The following KCNMA1 variants were observed in gnomAD, a reference collection of about 807,000 sequenced individuals.
The protein encoded by KCNMA1 is Calcium-activated potassium channel subunit alpha-1.
A neutral mutation model predicts 140.0 loss-of-function variants in KCNMA1; 29 were observed. That is an observed-to-expected ratio of 0.21 (90% CI 0.15 to 0.28). The LOEUF (loss-of-function observed/expected upper bound fraction) is 0.28, where lower values mean the gene tolerates loss of function less well. Among genes scored for constraint, KCNMA1 ranks in the 10% least tolerant of loss-of-function variants. KCNMA1 has a pLI of 1.00. For missense variants in KCNMA1, 880 were observed against 1,602.2 expected (o/e 0.55, Z 7.70); for synonymous variants, 612 against 611.9 (o/e 1.00, Z 0.00).
At chr10:77,464,357 T>C (rs1027687158) in intron 1 of KCNMA1, among the ~76,000 whole-genome samples, 3 of 152,050 alleles carry the variant, frequency 2.0e-5, no homozygotes, top group Admixed American at 6.6e-5. Flanking sequence ...TTGGAGTCAT[T>C]AGTACACAGA....
intron 3 of KCNMA1, among the ~76,000 whole-genome samples, chr10:77,228,692 T>C (rs972781856): frequency 3.9e-5 from 6 of 152,338 alleles, no homozygotes; most frequent in African/African-American, 1.2e-4. Flanking sequence ...TGGCCTACCA[T>C]GCTCTGAGCT....
At chr10:77,321,021 G>C (rs2082198717) in intron 2 of KCNMA1, among the ~76,000 whole-genome samples, 5 of 152,192 alleles carry the variant, frequency 3.3e-5, no homozygotes, top group Admixed American at 2.6e-4. Context: ...TGTCTGACTT[G>C]TATCCTATTC....
chr10:77,193,666 C>T (rs776863784), intron 3 of KCNMA1, among the ~76,000 whole-genome samples: 2 of 152,160 alleles, frequency 1.3e-5, no homozygotes, highest in African/African-American at 2.4e-5. Flanking sequence ...ACAACGTGTA[C>T]ACACAAACAT....
Position 77,090,442 on chromosome 10 carries a change from T to C in KCNMA1, c.1292A>G (p.Lys431Arg). The change falls in exon 10 of 28, where the codon AAG (lysine) becomes AGG (arginine). Residue 431 changes from lysine to arginine, a missense_variant. Around this residue, in one of 13 missense-constraint regions of KCNMA1, gnomAD observed 198 missense variants for 580.1 expected, o/e 0.34. Transcript: ENST00000286628. ...CTCCACATTGACGTCATCCCGGTCC[T>C]TGTGCAGAAAGTCCTTCAGGAAGTT... is the stretch of plus-strand genomic sequence containing the variant. Reference protein sequence around the residue: ...VSNFLKDFLHKDRDDVNVEIV... With the variant: ...VSNFLKDFLHRDRDDVNVEIV... 1.2e-6 allele frequency: 2 copies of C among 1,614,022 alleles called. No individual in the cohort carries two copies. The highest frequency in any genetic ancestry group is 1.7e-6 in the Non-Finnish European group (2 of 1,179,872).
chr10:77,567,951 G>A (rs529568435), intron 1 of KCNMA1, among the ~76,000 whole-genome samples: 7 of 152,140 alleles, frequency 4.6e-5, no homozygotes, highest in African/African-American at 1.7e-4. Context: ...AATTAGCCAG[G>A]TGTGCTCTAC....
At chr10:77,028,648 G>A (rs1594142835) in intron 15 of KCNMA1, among the ~76,000 whole-genome samples, 1 of 152,244 alleles carries the variant, frequency 6.6e-6, no homozygotes, top group Non-Finnish European at 1.5e-5. Flanking sequence ...CACCTTGTCT[G>A]TAACCAAATC....
chr10:77,287,631 T>C (rs1474671723), intron 2 of KCNMA1, among the ~76,000 whole-genome samples: 1 of 152,190 alleles, frequency 6.6e-6, no homozygotes, highest in African/African-American at 2.4e-5. Flanking sequence ...AGCATTCATT[T>C]TTTAGATGGG....
At chr10:76,970,574 G>A in intron 19 of KCNMA1, 1 of 190,336 alleles carries the variant, frequency 5.3e-6, no homozygotes, top group Non-Finnish European at 1.1e-5. Flanking sequence ...GTTGAAAAGA[G>A]GCAAGGATTC....
At chr10:77,469,544 G>A (rs1403949083) in intron 1 of KCNMA1, among the ~76,000 whole-genome samples, 3 of 152,176 alleles carry the variant, frequency 2.0e-5, no homozygotes, top group Non-Finnish European at 4.4e-5. Context: ...TCAGAGGTGT[G>A]TGAACTCACT....
chr10:77,166,849 G>A (rs1269349045), intron 5 of KCNMA1, among the ~76,000 whole-genome samples: 2 of 152,122 alleles, frequency 1.3e-5, no homozygotes, highest in Non-Finnish European at 2.9e-5. Flanking sequence ...CATAGTAGAT[G>A]GATGTATTTT....
intron 23 of KCNMA1, among the ~76,000 whole-genome samples, chr10:76,924,799 A>C (rs572517746): frequency 2.2e-4 from 33 of 152,272 alleles, no homozygotes; most frequent in Admixed American, 2.2e-3. Flanking sequence ...AGAGCTACTC[A>C]ATCTCAGAGC....
Position 77,621,797 on chromosome 10 carries a change from T to G in KCNMA1, c.378+15468A>C, listed in dbSNP as rs528915101. Among the ~76,000 whole-genome samples, 4 of 152,180 alleles carry G rather than the reference T, an allele frequency of 2.6e-5. No individual in the cohort carries two copies. In the East Asian group the frequency reaches 7.7e-4, roughly 29 times the overall value. ...ACAAAAAATTAGCCAGGCATGATGG[T>G]GCATGCCTGTAGTCACATGCCTGCA... On this transcript the variant is annotated intron_variant, in intron 1 of 27. Coordinates refer to ENST00000286628, the MANE Select transcript of KCNMA1 (RefSeq NM_001161352.2).
intron 5 of KCNMA1, among the ~76,000 whole-genome samples, chr10:77,124,734 A>G (rs79531959): frequency 1.5e-3 from 229 of 152,336 alleles, no homozygotes; most frequent in Admixed American, 3.1e-3. Context: ...TAAAAAAGTC[A>G]GTCTACATTT....
chr10:77,626,040 G>C (rs2092466865), intron 1 of KCNMA1, among the ~76,000 whole-genome samples: 1 of 149,160 alleles, frequency 6.7e-6, no homozygotes, highest in African/African-American at 2.5e-5. Flanking sequence ...TTTTTTTACA[G>C]TAGCCATCCT....
chr10:77,365,116 G>A (rs889705377), intron 2 of KCNMA1, among the ~76,000 whole-genome samples: 9 of 152,136 alleles, frequency 5.9e-5, no homozygotes, highest in Admixed American at 4.6e-4. Flanking sequence ...GAAAATTGAG[G>A]TGCAAGAGCC....
chr10:77,106,333 C>T (rs1462979204), intron 9 of KCNMA1, among the ~76,000 whole-genome samples: 1 of 152,054 alleles, frequency 6.6e-6, no homozygotes, highest in Non-Finnish European at 1.5e-5. Context: ...AGAGCCAGAA[C>T]AGAGTGGCAG....
chr10:77,390,117 A>T (rs925952917), intron 2 of KCNMA1, among the ~76,000 whole-genome samples: 1 of 152,186 alleles, frequency 6.6e-6, no homozygotes, highest in African/African-American at 2.4e-5. Flanking sequence ...AAACATAAAG[A>T]TATTTTGGGC....
At chr10:77,456,191 G>C (rs114395336) in intron 1 of KCNMA1, among the ~76,000 whole-genome samples, 1 of 152,152 alleles carries the variant, frequency 6.6e-6, no homozygotes, top group Non-Finnish European at 1.5e-5. Flanking sequence ...GGCAGGATTC[G>C]TCTTTGGCCA....
intron 2 of KCNMA1, among the ~76,000 whole-genome samples, chr10:77,391,648 T>TTTG (rs1566521747): frequency 2.1e-5 from 3 of 145,218 alleles, no homozygotes; most frequent in Non-Finnish European, 4.6e-5. Flanking sequence ...TTGTTTGTTT[T>TTTG]TTTCTGGAAA....
Sources: gnomAD v4.1 joint callset for allele counts (sites outside exome capture counted in the v4.1 genomes callset) on GRCh38, gnomAD v4.1.1 for gene constraint, gnomAD v4.1.1 regional missense constraint, MANE v1.5 for transcripts, NCBI Gene and HGNC (gene_info 2026-07-23, HGNC 2026-07-21) for gene names.